Variants in ARL5B observed in about 807,000 individuals in gnomAD.
ARL5B encodes the protein ADP-ribosylation factor-like protein 5B.
A neutral mutation model predicts 26.9 loss-of-function variants in ARL5B; 10 were observed. The ratio of observed to expected loss-of-function variants is 0.37; its 90% CI spans 0.23 to 0.63. The LOEUF is 0.63. ARL5B is among the 30% of genes least tolerant of loss of function. ARL5B has a pLI of 0.62. For synonymous variants in ARL5B, 87 were observed against 70.4 expected (o/e 1.24, Z -1.18); for missense variants, 167 against 213.9 (o/e 0.78, Z 1.37).
At chr10:18,667,427 T>G (rs528746868) in intron 2 of ARL5B, among the ~76,000 whole-genome samples, 47 of 152,340 alleles carry the variant, frequency 3.1e-4, no homozygotes, top group African/African-American at 1.1e-3. Flanking sequence ...CTTGTTTCTC[T>G]TGAAAACATT....
At chr10:18,674,626 A>G (rs971631789) in intron 5 of ARL5B, among the ~76,000 whole-genome samples, 7 of 152,190 alleles carry the variant, frequency 4.6e-5, no homozygotes, top group African/African-American at 1.4e-4. Context: ...ATCTCTAACA[A>G]TTTGAATGTG....
chr10:18,674,940 T>C (rs1280842049), intron 5 of ARL5B, among the ~76,000 whole-genome samples: 3 of 152,180 alleles, frequency 2.0e-5, no homozygotes, highest in African/African-American at 4.8e-5. Flanking sequence ...GGCAAAGTTG[T>C]ATCTTCAAGA....
At chr10:18,670,161 A>G (rs1358841456) in intron 3 of ARL5B, among the ~76,000 whole-genome samples, 1 of 152,200 alleles carries the variant, frequency 6.6e-6, no homozygotes, top group East Asian at 1.9e-4. Context: ...TGCAACGTGT[A>G]AGTAAACAAA....
Position 18,659,578 on chromosome 10 carries a change from G to T in ARL5B, c.-60G>T, listed in dbSNP as rs897607640. ...CTCCGCGCAGCCCGCGCCGCGGTGG[G>T]GGACCCGGCGCAGCGGCACCTGCTG... On this transcript the variant is annotated 5_prime_UTR_variant, in exon 1 of 6. Transcript: ENST00000377275. 4.5e-6 allele frequency: 7 copies of T among 1,546,642 alleles called. No homozygotes were observed. Among genetic ancestry groups the T allele is most frequent in the Non-Finnish European group, 6.1e-6 (7 of 1,148,378 alleles).
At chr10:18,669,620 C>T (rs1590227129) in intron 3 of ARL5B, among the ~76,000 whole-genome samples, 2 of 152,092 alleles carry the variant, frequency 1.3e-5, no homozygotes, top group Non-Finnish European at 2.9e-5. Flanking sequence ...AGTATGATTT[C>T]ACAATTGCAT....
intron 1 of ARL5B, among the ~76,000 whole-genome samples, chr10:18,661,118 G>A (rs1044036550): frequency 3.9e-5 from 6 of 152,176 alleles, no homozygotes; most frequent in Non-Finnish European, 7.3e-5. Context: ...CAAAGTGCTG[G>A]AATTACAGGT....
rs539556142 is a variant in ARL5B, at chr10:18,675,415, T to C, written c.*199T>C. On this transcript the variant is annotated 3_prime_UTR_variant, in exon 6 of 6. Coordinates refer to ENST00000377275, the MANE Select transcript of ARL5B (RefSeq NM_178815.5). ...TTTTTTTTAACACACTAATCTTCAG[T>C]TGGATGAATGTAATGTATAACTATG... The C allele has an allele frequency of 6.7e-5, 37 of 550,992 alleles. No individual in the cohort carries two copies. Among genetic ancestry groups the C allele is most frequent in the East Asian group, 2.0e-4 (7 of 34,582 alleles). The allele number at this position is 550,992 out of a possible 1,614,324, so 34.1% of individuals were successfully genotyped here. A position where few individuals can be genotyped will look rare whatever the true frequency, so the allele number is the denominator to read the frequency against.
chr10:18,673,040 AG>A lies in ARL5B; in HGVS notation c.339+337del, dbSNP rs546622649. Among the ~76,000 whole-genome samples the A allele has an allele frequency of 4.2e-3, 632 of 152,072 alleles. 3 individuals carry two copies. Among genetic ancestry groups the A allele is most frequent in the African/African-American group, 0.012 (509 of 41,488 alleles). The stretch of plus-strand genomic sequence containing the variant: ...TTCCCCAAAAGTTTCAATAACTGAA[AG>A]GTTTTTTTTTTGTTTTTTGTTTTTG... On this transcript the variant is annotated intron_variant, in intron 4 of 5. Transcript: ENST00000377275.
At position 18,674,115 on chromosome 10, in the gene ARL5B, C is replaced by G; in HGVS notation, c.471C>G (p.Cys157Trp). 1 of 1,611,226 alleles carries G rather than the reference C, an allele frequency of 6.2e-7. No homozygotes were observed. The change falls in exon 5 of 6, where the codon TGC becomes TGG. Residue 157 changes from cysteine (C) to tryptophan (W), a missense_variant. Transcript: ENST00000377275. ...ATCATCCATGGCACATTCAATCCTG[C>G]TGTGCTCTCACAGGAGAAGGGTAAG... ...IKDHPWHIQS[C>W]CALTGEGLCQ...
chr10:18,659,934 T>G, intron 1 of ARL5B: 1 of 985,376 alleles, frequency 1.0e-6, no homozygotes, highest in African/African-American at 1.7e-5. Flanking sequence ...TGTTTGGATA[T>G]TGGCGAAGTA....
chr10:18,659,835 C>A lies in ARL5B; in HGVS notation c.46+152C>A, dbSNP rs111690788. The A allele has an allele frequency of 1.0e-5, 15 of 1,487,536 alleles. No individual in the cohort carries two copies. The Admixed American group carries it at 3.4e-4, about 34-fold the overall frequency. The allele number at this position is 1,487,536 out of a possible 1,614,324, so 92.1% of individuals were successfully genotyped here. On this transcript the variant is annotated intron_variant, in intron 1 of 5. Coordinates refer to ENST00000377275, the MANE Select transcript of ARL5B (RefSeq NM_178815.5). ...CGGGCAGAAACTCAGTGTTTTAGAC[C>A]TGGAGGACGTACAGGAGAGACCTGA...
At chr10:18,662,808 A>G (rs944889094) in intron 1 of ARL5B, among the ~76,000 whole-genome samples, 1 of 150,724 alleles carries the variant, frequency 6.6e-6, no homozygotes, top group African/African-American at 2.4e-5. Context: ...GGTTCAAGCA[A>G]TTCTCCTGCC....
chr10:18,672,194 T>C (rs1298271302), intron 3 of ARL5B, among the ~76,000 whole-genome samples: 2 of 152,210 alleles, frequency 1.3e-5, no homozygotes, highest in Admixed American at 6.5e-5. Context: ...TTCTAAGAGT[T>C]AGGAGATTGT....
intron 1 of ARL5B, 42 bp downstream of exon 1, chr10:18,659,725 G>A: frequency 6.2e-7 from 1 of 1,600,018 alleles, no homozygotes; most frequent in Non-Finnish European, 8.5e-7. Flanking sequence ...ATCCGAGGCA[G>A]AGGGTCCCGC....
chr10:18,665,411 G>C (rs577943036), intron 1 of ARL5B, among the ~76,000 whole-genome samples: 1 of 152,270 alleles, frequency 6.6e-6, no homozygotes, highest in South Asian at 2.1e-4. Flanking sequence ...TTCTACCATA[G>C]TGAAAATAGC....
At position 18,675,185 on chromosome 10, in the gene ARL5B, A is replaced by G; in HGVS notation, c.509A>G (p.Glu170Gly). The change falls in exon 6 of 6, where the codon GAG becomes GGG. Residue 170 changes from glutamate (E) to glycine (G), a missense_variant. Coordinates refer to ENST00000377275, the MANE Select transcript of ARL5B (RefSeq NM_178815.5). ...TTGTTTAGGTTATGCCAAGGTCTAG[A>G]GTGGATGACCTCCCGGATTGGTGTG... is the stretch of plus-strand genomic sequence containing the variant. Reference protein sequence around the residue: ...LTGEGLCQGLEWMTSRIGVR With the variant: ...LTGEGLCQGLGWMTSRIGVR The G allele has an allele frequency of 1.2e-6, 2 of 1,613,506 alleles. No individual in the cohort carries two copies. Among genetic ancestry groups the G allele is most frequent in the Non-Finnish European group, 1.7e-6 (2 of 1,179,486 alleles).
At chr10:18,673,267 C>T (rs562241389) in intron 4 of ARL5B, among the ~76,000 whole-genome samples, 6 of 152,024 alleles carry the variant, frequency 3.9e-5, no homozygotes, top group African/African-American at 1.4e-4. Flanking sequence ...TCACCATCTT[C>T]GCCAGCCTGG....
Position 18,659,696 on chromosome 10 carries a change from G to T in ARL5B, c.46+13G>T, listed in dbSNP as rs1256014197. On this transcript the variant is annotated intron_variant, in intron 1 of 5. Transcript: ENST00000377275. Reference sequence around the variant, plus strand: ...TTCTGTAACCAAGGTGAGAAGAATGGAGCTGCGCGGCGGCTCGAATCCGAG... The same window carrying T: ...TTCTGTAACCAAGGTGAGAAGAATGTAGCTGCGCGGCGGCTCGAATCCGAG... The T allele has an allele frequency of 1.9e-6, 3 of 1,611,150 alleles. No homozygotes were observed. Among genetic ancestry groups the T allele is most frequent in the Non-Finnish European group, 2.5e-6 (3 of 1,178,808 alleles).
At position 18,674,073 on chromosome 10, in the gene ARL5B, C is replaced by T. The variant is rs1310256266; in HGVS notation, c.429C>T (p.Thr143=). Residue 143 remains threonine (T), a synonymous_variant, in exon 5 of 6, where the codon ACC becomes ACT. Coordinates refer to ENST00000377275, the MANE Select transcript of ARL5B (RefSeq NM_178815.5). ...CAGCTGAAATCTCGAAATACCTCAC[C>T]CTTAGTTCAATTAAGGATCATCCAT... ...MTAAEISKYL[T]LSSIKDHPWH... is the part of the protein sequence containing the mutation. The T allele has an allele frequency of 8.1e-6, 13 of 1,612,642 alleles. No homozygotes were observed. The highest frequency in any genetic ancestry group is 1.1e-5 in the Non-Finnish European group (13 of 1,179,370).
Sources: gnomAD v4.1 joint callset for allele counts (sites outside exome capture counted in the v4.1 genomes callset) on GRCh38, gnomAD v4.1.1 for gene constraint, MANE v1.5 for transcripts, NCBI Gene and HGNC (gene_info 2026-07-23, HGNC 2026-07-21) for gene names.